The following CSMD1 variants were observed in gnomAD, a reference collection of about 807,000 sequenced individuals.
CSMD1 encodes CUB and Sushi multiple domains 1.
In CSMD1, 213 loss-of-function variants were observed where a neutral mutation model predicts 417.5. The ratio of observed to expected loss-of-function variants is 0.51; its 90% confidence interval spans 0.46 to 0.57. CSMD1 has a LOEUF of 0.57. Ranked by LOEUF, CSMD1 falls within the 20% of genes least tolerant of loss-of-function variation. CSMD1 has a pLI of 0.00. For synonymous variants in CSMD1, 2,862 were observed against 1,736.8 expected, an observed-to-expected ratio of 1.65 and a Z score of -16.11; for missense variants, 6,923 against 4,529.7, an observed-to-expected ratio of 1.53 and a Z score of -15.17.
chr8:3,824,191 C>A (rs560919554), intron 5 of CSMD1, among the ~76,000 whole-genome samples: 1 of 151,478 alleles, frequency 6.6e-6, no homozygotes, highest in African/African-American at 2.4e-5. Context: ...GAGATGATGA[C>A]TAATTTATCC....
chr8:3,817,505 T>G (rs1801454073), intron 5 of CSMD1, among the ~76,000 whole-genome samples: 1 of 151,866 alleles, frequency 6.6e-6, no homozygotes, highest in African/African-American at 2.4e-5. Context: ...GGTCTCAATC[T>G]CCTGACCTTG....
In CSMD1 at chr8:4,707,886, CAAAAAAAAAAAAAAAAAAAAAAA is replaced by C. The variant is rs552510236; in HGVS notation, c.86-70351_86-70329del. ...TGGGGACAAGAGCAAGACTTTGTTT[CAAAAAAAAAAAAAAAAAAAAAAA>C]AAAAAAAAAAAAAAAAAAAAGAGGG... is the stretch of plus-strand genomic sequence containing the variant. On this transcript the variant is annotated intron_variant, in intron 1 of 69. Coordinates refer to ENST00000635120, the MANE Select transcript of CSMD1 (RefSeq NM_033225.6). Among the ~76,000 whole-genome samples the C allele has an allele frequency of 2.0e-3, 201 of 100,836 alleles. 3 individuals are homozygous for C. Among genetic ancestry groups the C allele is most frequent in the Admixed American group, 3.2e-3 (30 of 9,296 alleles). 66.2% of individuals were successfully genotyped at this position (100,836 alleles called of 152,430 possible).
chr8:4,580,356 C>T lies in CSMD1; in HGVS notation c.302+56986G>A, dbSNP rs188653013. On this transcript the variant is annotated intron_variant, in intron 2 of 69. Coordinates refer to ENST00000635120, the MANE Select transcript of CSMD1 (RefSeq NM_033225.6). ...AGCCCTGTATCATATATCTTTTTAA[C>T]ATTTTCATCGCAGTGTTGACCATCT... Among the ~76,000 whole-genome samples the T allele has an allele frequency of 3.3e-3, 509 of 152,286 alleles. 4 individuals are homozygous for T. The highest frequency in any genetic ancestry group is 0.012 in the African/African-American group (501 of 41,564).
intron 7 of CSMD1, among the ~76,000 whole-genome samples, chr8:3,631,906 CG>C (rs1343079086): frequency 6.6e-6 from 1 of 152,114 alleles, no homozygotes. Flanking sequence ...AGTAGACTGA[CG>C]AAGCAAAACC....
At chr8:3,553,537 T>A (rs1044511940) in intron 10 of CSMD1, among the ~76,000 whole-genome samples, 1 of 152,204 alleles carries the variant, frequency 6.6e-6, no homozygotes, top group African/African-American at 2.4e-5. Context: ...ATTGCTGCCG[T>A]GGCACAGACT....
rs554261629 is a variant in CSMD1 at position 3,336,963 on chromosome 8, G to A, written c.3631+6331C>T. On this transcript the variant is annotated intron_variant, in intron 23 of 69. Transcript: ENST00000635120. ...AAAAGTCAGTTAGTTCTAGGAGACT[G>A]ACCTTATGCCAGTTGCTATATAAAT... Among the ~76,000 whole-genome samples, 4 of 152,278 alleles carry A rather than the reference G, an allele frequency of 2.6e-5. No homozygotes were observed. In the South Asian group the frequency reaches 6.2e-4, roughly 24 times the overall value.
At chr8:4,133,294 G>C (rs543651735) in intron 3 of CSMD1, among the ~76,000 whole-genome samples, 2 of 152,262 alleles carry the variant, frequency 1.3e-5, no homozygotes, top group East Asian at 1.9e-4. Context: ...TTGCTTAAAA[G>C]TCTAAGTTTA....
chr8:4,822,608 C>T (rs1349635890), intron 1 of CSMD1, among the ~76,000 whole-genome samples: 2 of 152,000 alleles, frequency 1.3e-5, no homozygotes, highest in Non-Finnish European at 2.9e-5. Flanking sequence ...GCAATTTTTA[C>T]ATTTTTAGCA....
At chr8:3,527,348 T>A (rs576841886) in intron 10 of CSMD1, among the ~76,000 whole-genome samples, 2 of 152,302 alleles carry the variant, frequency 1.3e-5, no homozygotes, top group South Asian at 4.1e-4. Flanking sequence ...CAAAAAGCCA[T>A]TCTAAAAGGT....
chr8:3,661,063 G>A (rs1426212046), intron 7 of CSMD1, among the ~76,000 whole-genome samples: 1 of 152,176 alleles, frequency 6.6e-6, no homozygotes, highest in East Asian at 1.9e-4. Flanking sequence ...GAAATGCTCA[G>A]AGAAGGAGAA....
chr8:4,040,187 AAGG>A lies in CSMD1; in HGVS notation c.416-8091_416-8089del, dbSNP rs570290906. Among the ~76,000 whole-genome samples, 15 of 152,312 alleles carry A rather than the reference AAGG, an allele frequency of 9.8e-5. No individual in the cohort carries two copies. In the East Asian group the frequency reaches 2.5e-3, roughly 25 times the overall value. The stretch of plus-strand genomic sequence containing the variant: ...TGCTAGCATAGTTGTAATGGAAGTG[AAGG>A]AGAAGGACATCGTAGTTTTTCATTT... On this transcript the variant is annotated intron_variant, in intron 3 of 69. Transcript: ENST00000635120.
At chr8:3,735,449 T>C (rs181121580) in intron 6 of CSMD1, among the ~76,000 whole-genome samples, 134 of 152,348 alleles carry the variant, frequency 8.8e-4, no homozygotes, top group African/African-American at 3.1e-3. Context: ...ATGCAGGTAT[T>C]AGGCAAAATG....
intron 3 of CSMD1, among the ~76,000 whole-genome samples, chr8:4,274,193 A>G (rs1432367944): frequency 6.6e-6 from 1 of 152,194 alleles, no homozygotes; most frequent in Non-Finnish European, 1.5e-5. Flanking sequence ...TCAAAGCAGA[A>G]CCAGAGAAGA....
chr8:4,474,856 CTTAT>C (rs1001204915), intron 2 of CSMD1, among the ~76,000 whole-genome samples: 1 of 152,112 alleles, frequency 6.6e-6, no homozygotes, highest in African/African-American at 2.4e-5. Context: ...TTTTCTCTTC[CTTAT>C]GACTTTCTTA....
chr8:3,820,384 G>C (rs149164468), intron 5 of CSMD1, among the ~76,000 whole-genome samples: 80 of 152,264 alleles, frequency 5.3e-4, no homozygotes, highest in African/African-American at 1.1e-3. Context: ...GAGTACCAAA[G>C]AAGGACTAAA....
At chr8:3,719,129 T>C (rs1321751180) in intron 6 of CSMD1, among the ~76,000 whole-genome samples, 1 of 152,198 alleles carries the variant, frequency 6.6e-6, no homozygotes, top group African/African-American at 2.4e-5. Context: ...TGTGTCCTGT[T>C]CTATTAACTC....
At chr8:3,517,804 C>G (rs1217998527) in intron 10 of CSMD1, among the ~76,000 whole-genome samples, 4 of 152,066 alleles carry the variant, frequency 2.6e-5, no homozygotes. Context: ...GCAGAATTCC[C>G]TTTTAGTCTA....
At chr8:3,947,875 T>G (rs1811341702) in intron 5 of CSMD1, among the ~76,000 whole-genome samples, 1 of 152,192 alleles carries the variant, frequency 6.6e-6, no homozygotes, top group African/African-American at 2.4e-5. Flanking sequence ...TTTCAACTTA[T>G]GTCTACCTGT....
chr8:3,869,964 A>T (rs1318025498), intron 5 of CSMD1, among the ~76,000 whole-genome samples: 1 of 152,196 alleles, frequency 6.6e-6, no homozygotes, highest in Non-Finnish European at 1.5e-5. Context: ...TCATCTATAT[A>T]TTTTAAAATT....
Sources: allele counts gnomAD v4.1 joint callset (sites outside exome capture counted in the v4.1 genomes callset), GRCh38; gene constraint gnomAD v4.1.1; transcripts MANE v1.5; gene names NCBI Gene and HGNC (gene_info 2026-07-23, HGNC 2026-07-21).